The following SRRM4 variants were observed in gnomAD, a reference collection of about 807,000 sequenced individuals.
The protein encoded by SRRM4 is serine/arginine repetitive matrix 4.
SRRM4 carries 33 observed loss-of-function variants against 68.9 expected under a neutral mutation model. The observed-to-expected ratio is 0.48, with a 90% CI of 0.36 to 0.64. The LOEUF (loss-of-function observed/expected upper bound fraction) is 0.64, where lower values mean the gene tolerates loss of function less well. Among genes scored for constraint, SRRM4 ranks in the 30% least tolerant of loss-of-function variants. SRRM4 has a pLI of 0.00. For missense variants in SRRM4, 817 were observed against 827.1 expected (o/e 0.99, Z 0.15); for synonymous variants, 318 against 318.8 (o/e 1.00, Z 0.03).
chr12:119,087,119 C>A (rs1198264191), intron 1 of SRRM4, among the ~76,000 whole-genome samples: 1 of 152,178 alleles, frequency 6.6e-6, no homozygotes, highest in African/African-American at 2.4e-5. Flanking sequence ...TCTCTACCAC[C>A]TTTTAATGGG....
intron 4 of SRRM4, among the ~76,000 whole-genome samples, 178 bp downstream of exon 4, chr12:119,117,186 C>T (rs1392907514): frequency 6.6e-6 from 1 of 152,114 alleles, no homozygotes; most frequent in Non-Finnish European, 1.5e-5. Flanking sequence ...ACTAGAGGTC[C>T]ACACATGCTA....
chr12:119,007,138 A>G (rs1302569260), intron 1 of SRRM4, among the ~76,000 whole-genome samples: 3 of 152,194 alleles, frequency 2.0e-5, no homozygotes, highest in Non-Finnish European at 4.4e-5. Flanking sequence ...CCCACATCTT[A>G]TCACTTCCCA....
chr12:119,107,347 G>A (rs1954113538), intron 2 of SRRM4, among the ~76,000 whole-genome samples: 1 of 152,168 alleles, frequency 6.6e-6, no homozygotes, highest in African/African-American at 2.4e-5. Context: ...ATGAGTTAGG[G>A]AGGATTCCCT....
chr12:119,019,959 C>CT (rs1261694007), intron 1 of SRRM4, among the ~76,000 whole-genome samples: 13 of 79,392 alleles, frequency 1.6e-4, no homozygotes, highest in Non-Finnish European at 3.0e-5. Flanking sequence ...TCCCCCCCCC[C>CT]CCAAAAAAAA....
intron 1 of SRRM4, among the ~76,000 whole-genome samples, chr12:119,017,675 C>A (rs551096625): frequency 5.9e-5 from 9 of 152,088 alleles, no homozygotes; most frequent in African/African-American, 1.4e-4. Context: ...GAGTCCATTG[C>A]GGGGGCAGTC....
intron 1 of SRRM4, among the ~76,000 whole-genome samples, chr12:119,071,291 G>T (rs766309663): frequency 1.3e-5 from 2 of 152,166 alleles, no homozygotes; most frequent in African/African-American, 2.4e-5. Context: ...CAGTGGTTGG[G>T]AGCACAGATT....
At chr12:119,011,184 A>G (rs1953446637) in intron 1 of SRRM4, among the ~76,000 whole-genome samples, 1 of 152,236 alleles carries the variant, frequency 6.6e-6, no homozygotes, top group Non-Finnish European at 1.5e-5. Flanking sequence ...TTATGTATAC[A>G]AACATGAATT....
intron 7 of SRRM4, among the ~76,000 whole-genome samples, chr12:119,128,934 G>A (rs1954277002): frequency 6.6e-6 from 1 of 152,212 alleles, no homozygotes; most frequent in African/African-American, 2.4e-5. Flanking sequence ...ACTGAGCTGA[G>A]GAGCTTCCTA....
At chr12:119,129,048 C>T (rs1206235379) in intron 7 of SRRM4, among the ~76,000 whole-genome samples, 1 of 152,164 alleles carries the variant, frequency 6.6e-6, no homozygotes, top group Admixed American at 6.5e-5. Flanking sequence ...GGCATGAATC[C>T]CAGGCGCTAG....
Position 119,130,750 on chromosome 12 carries a change from C to G in SRRM4, c.687C>G (p.Leu229=). The G allele has an allele frequency of 6.2e-7, 1 of 1,611,378 alleles. No homozygotes were observed. The highest frequency in any genetic ancestry group is 8.5e-7 in the Non-Finnish European group (1 of 1,179,860). Reference sequence around the variant, plus strand: ...ACTCCCGCCGCTGCTCCAAGACCCTCTGCAAGGACAGCCCTGAGGCCCAGT... The same window carrying G: ...ACTCCCGCCGCTGCTCCAAGACCCTGTGCAAGGACAGCCCTGAGGCCCAGT... ...RRHSRRCSKT[L]CKDSPEAQSS... Residue 229 remains leucine (L), a synonymous_variant, in exon 8 of 13, where the codon CTC becomes CTG. Coordinates refer to ENST00000267260, the MANE Select transcript of SRRM4 (RefSeq NM_194286.4).
At chr12:119,129,963 AGATG>A (rs10549675) in intron 7 of SRRM4, among the ~76,000 whole-genome samples, 54,972 of 136,176 alleles carry the variant, frequency 0.4, 10,988 homozygotes, top group South Asian at 0.5. Flanking sequence ...AAGGAAGGAC[AGATG>A]GATGGATGGA....
At chr12:119,135,426 CAAT>C (rs1310168366) in intron 8 of SRRM4, among the ~76,000 whole-genome samples, 1 of 152,094 alleles carries the variant, frequency 6.6e-6, no homozygotes, top group Non-Finnish European at 1.5e-5. Flanking sequence ...AAACCAAAAA[CAAT>C]AATAATAAAA....
chr12:119,043,775 T>TACACACACACACACACACACACACAC (rs58053550), intron 1 of SRRM4, among the ~76,000 whole-genome samples: 28 of 141,758 alleles, frequency 2.0e-4, no homozygotes, highest in Non-Finnish European at 2.3e-4. Context: ...CATACACGCA[T>TACACACACACACACACACACACACAC]ACACACACAC....
rs1592918263 is a variant in SRRM4, at chr12:119,151,283, G to A, written c.1280+63G>A. ...CTCCTTAGGAAATTAGTTAATTGCA[G>A]ATGTCCTTTGACCCATGGGGGAGAG... On this transcript the variant is annotated intron_variant, in intron 10 of 12. Transcript: ENST00000267260. 5 of 1,454,144 alleles carry A rather than the reference G, an allele frequency of 3.4e-6. No homozygotes were observed. In the East Asian group the frequency reaches 1.1e-4, roughly 33 times the overall value. The allele number at this position is 1,454,144 out of a possible 1,614,324, so 90.1% of individuals were successfully genotyped here. A position where few individuals can be genotyped will look rare whatever the true frequency, so the allele number is the denominator to read the frequency against.
chr12:119,153,105 T>G (rs1410693369), intron 10 of SRRM4, among the ~76,000 whole-genome samples: 3 of 152,252 alleles, frequency 2.0e-5, no homozygotes, highest in Non-Finnish European at 4.4e-5. Flanking sequence ...GTTCAATGTC[T>G]GGCACATAAT....
At chr12:119,130,919 T>G (rs1592910637) in intron 8 of SRRM4, 85 bp downstream of exon 8, 1 of 1,317,834 alleles carries the variant, frequency 7.6e-7, no homozygotes, top group Non-Finnish European at 1.0e-6. Flanking sequence ...CAGTGTATGG[T>G]ACACTTTAAT....
At chr12:118,987,767 G>A (rs1457906500) in intron 1 of SRRM4, among the ~76,000 whole-genome samples, 6 of 152,240 alleles carry the variant, frequency 3.9e-5, no homozygotes, top group South Asian at 2.1e-4. Context: ...AGGTTTTTTC[G>A]TTACTATTTG....
intron 12 of SRRM4, among the ~76,000 whole-genome samples, chr12:119,155,566 C>T (rs1009849860): frequency 1.8e-4 from 28 of 152,216 alleles, no homozygotes; most frequent in African/African-American, 6.3e-4. Context: ...GACCCTGTCT[C>T]TACCAAAAAT....
intron 1 of SRRM4, among the ~76,000 whole-genome samples, chr12:119,003,984 G>A (rs979198433): frequency 6.6e-6 from 1 of 152,000 alleles, no homozygotes; most frequent in Non-Finnish European, 1.5e-5. Flanking sequence ...TTAATGAATT[G>A]TTAATTGATC....
Sources: allele counts gnomAD v4.1 joint callset (sites outside exome capture counted in the v4.1 genomes callset), GRCh38; gene constraint gnomAD v4.1.1; transcripts MANE v1.5; gene names NCBI Gene and HGNC (gene_info 2026-07-23, HGNC 2026-07-21).